The following DKK2 variants were observed in gnomAD, a reference collection of about 807,000 sequenced individuals.
DKK2 encodes the protein dickkopf-related protein 2.
In DKK2, 11 loss-of-function variants were observed where a neutral mutation model predicts 28.1. The observed-to-expected ratio is 0.39, with a 90% CI of 0.25 to 0.65. DKK2 has a LOEUF of 0.65. DKK2 is among the 30% of genes least tolerant of loss of function. DKK2 has a pLI of 0.47. For missense variants in DKK2, 326 were observed against 335.5 expected (o/e 0.97, Z 0.22); for synonymous variants, 135 against 126.5 (o/e 1.07, Z -0.45).
intron 1 of DKK2, among the ~76,000 whole-genome samples, chr4:106,940,139 C>T (rs1191762833): frequency 6.6e-6 from 1 of 152,174 alleles, no homozygotes; most frequent in Non-Finnish European, 1.5e-5. Context: ...AGCTTCTGCA[C>T]AGCAAAAGAA....
chr4:106,938,149 A>C (rs1410407672), intron 1 of DKK2, among the ~76,000 whole-genome samples: 1 of 147,792 alleles, frequency 6.8e-6, no homozygotes, highest in East Asian at 2.0e-4. Context: ...AGAGACACAA[A>C]AAACCCTTCA....
intron 1 of DKK2, among the ~76,000 whole-genome samples, chr4:106,977,538 T>C (rs1722963310): frequency 6.6e-6 from 1 of 152,218 alleles, no homozygotes; most frequent in African/African-American, 2.4e-5. Context: ...ATTCAGCTAT[T>C]GATACTTGTG....
chr4:106,949,182 C>G (rs1724822292), intron 1 of DKK2, among the ~76,000 whole-genome samples: 1 of 152,160 alleles, frequency 6.6e-6, no homozygotes, highest in Non-Finnish European at 1.5e-5. Context: ...GGAGAGTCAA[C>G]AGTAGGGCTG....
intron 1 of DKK2, among the ~76,000 whole-genome samples, chr4:107,033,560 A>G (rs972073999): frequency 2.6e-5 from 4 of 152,230 alleles, no homozygotes; most frequent in Non-Finnish European, 5.9e-5. Context: ...TTTCTGACAG[A>G]GGAACATCAG....
At chr4:107,027,756 A>ATTTTTTTTTTTTTTTT (rs71590176) in intron 1 of DKK2, among the ~76,000 whole-genome samples, 11 of 135,314 alleles carry the variant, frequency 8.1e-5, no homozygotes, top group East Asian at 2.4e-4. Context: ...ACCTATTATG[A>ATTTTTTTTTTTTTTTT]TTTTTTTTTT....
At chr4:106,954,064 AAT>A (rs1463502880) in intron 1 of DKK2, among the ~76,000 whole-genome samples, 1 of 152,174 alleles carries the variant, frequency 6.6e-6, no homozygotes, top group Non-Finnish European at 1.5e-5. Context: ...CAAATGAGAT[AAT>A]ATGTTATTTA....
At chr4:107,032,276 C>T (rs187753863) in intron 1 of DKK2, among the ~76,000 whole-genome samples, 2 of 151,894 alleles carry the variant, frequency 1.3e-5, no homozygotes, top group Non-Finnish European at 2.9e-5. Flanking sequence ...TTTTGAAAGC[C>T]AACCTTAAAT....
At chr4:107,002,964 A>G (rs1723384153) in intron 1 of DKK2, among the ~76,000 whole-genome samples, 2 of 152,192 alleles carry the variant, frequency 1.3e-5, no homozygotes, top group South Asian at 4.1e-4. Flanking sequence ...AGGTAATTCA[A>G]CACTCTTACA....
chr4:106,959,513 G>A (rs1578357897), intron 1 of DKK2, among the ~76,000 whole-genome samples: 1 of 151,834 alleles, frequency 6.6e-6, no homozygotes, highest in African/African-American at 2.4e-5. Context: ...TTCAAATATT[G>A]CCTAAGAGGA....
At chr4:107,027,574 C>A (rs1334168552) in intron 1 of DKK2, among the ~76,000 whole-genome samples, 5 of 152,040 alleles carry the variant, frequency 3.3e-5, no homozygotes, top group Non-Finnish European at 7.4e-5. Context: ...AAAATCCTAG[C>A]AAGCTGTCTT....
intron 1 of DKK2, among the ~76,000 whole-genome samples, chr4:106,990,175 T>C (rs9685060): frequency 0.036 from 5,547 of 152,298 alleles, 126 homozygotes; most frequent in African/African-American, 0.063. Context: ...TAACACTAAT[T>C]AATAAATTAA....
At chr4:106,929,793 C>A (rs544844283) in intron 1 of DKK2, among the ~76,000 whole-genome samples, 1 of 152,114 alleles carries the variant, frequency 6.6e-6, no homozygotes, top group Non-Finnish European at 1.5e-5. Context: ...AATTTAGAAT[C>A]ATTACCTAAA....
rs1241749090 is a variant in DKK2 at position 106,921,817 on chromosome 4, A to G, written c.*2137T>C. On this transcript the variant is annotated 3_prime_UTR_variant, in exon 4 of 4. Transcript: ENST00000285311. ...GAGCTTTGAATTCAGTTTTTAGAGG[A>G]GAAAAATTTAATAGATTTTATCTTA... 6.6e-6 allele frequency: 1 copy of G among 152,580 alleles called. No individual in the cohort carries two copies. Among genetic ancestry groups the G allele is most frequent in the Non-Finnish European group, 1.5e-5 (1 of 68,022 alleles). 9.5% of individuals were successfully genotyped at this position (152,580 alleles called of 1,614,324 possible). A position where few individuals can be genotyped will look rare whatever the true frequency, so the allele number is the denominator to read the frequency against.
intron 1 of DKK2, among the ~76,000 whole-genome samples, chr4:106,979,445 T>C (rs974369875): frequency 5.4e-5 from 8 of 149,366 alleles, no homozygotes; most frequent in Non-Finnish European, 1.0e-4. Flanking sequence ...TATCCTTCTT[T>C]TTTTTTTTTT....
chr4:107,016,069 T>A (rs960067387), intron 1 of DKK2, among the ~76,000 whole-genome samples: 2 of 151,798 alleles, frequency 1.3e-5, no homozygotes, highest in African/African-American at 4.8e-5. Context: ...AAGCAACAAA[T>A]AAGGCCTGCT....
chr4:107,015,311 C>T (rs1049704932), intron 1 of DKK2, among the ~76,000 whole-genome samples: 4 of 151,490 alleles, frequency 2.6e-5, no homozygotes, highest in African/African-American at 9.7e-5. Context: ...CTAATAAGAT[C>T]GAGGACCTAT....
intron 1 of DKK2, among the ~76,000 whole-genome samples, chr4:106,978,265 G>A (rs537374171): frequency 1.4e-4 from 21 of 152,290 alleles, no homozygotes; most frequent in African/African-American, 4.8e-4. Flanking sequence ...GAGCTCGAGC[G>A]CTGTGTTTGG....
chr4:106,940,366 C>T (rs1474488273), intron 1 of DKK2, among the ~76,000 whole-genome samples: 3 of 152,036 alleles, frequency 2.0e-5, no homozygotes, highest in Admixed American at 2.0e-4. Flanking sequence ...AAATGCTCAT[C>T]ATCACTGGCC....
chr4:106,932,827 A>G (rs1459244724), intron 1 of DKK2, among the ~76,000 whole-genome samples: 1 of 152,222 alleles, frequency 6.6e-6, no homozygotes, highest in Non-Finnish European at 1.5e-5. Flanking sequence ...TTGCCTTATA[A>G]ATTTTCCTGA....
Sources: gnomAD v4.1 joint callset for allele counts (sites outside exome capture counted in the v4.1 genomes callset) on GRCh38, gnomAD v4.1.1 for gene constraint, MANE v1.5 for transcripts, NCBI Gene and HGNC (gene_info 2026-07-23, HGNC 2026-07-21) for gene names.